Variants in BRSK2 observed in about 807,000 individuals in gnomAD.
BRSK2 encodes the protein serine/threonine-protein kinase BRSK2.
BRSK2 carries 19 observed loss-of-function variants against 83.3 expected under a neutral mutation model. That is an observed-to-expected ratio of 0.23 (90% CI 0.16 to 0.33). The LOEUF (loss-of-function observed/expected upper bound fraction) is 0.33. Ranked by LOEUF, BRSK2 falls within the 10% of genes least tolerant of loss-of-function variation. The pLI, the probability that BRSK2 is intolerant of heterozygous loss-of-function variation, is 1.00. For missense variants in BRSK2, 798 were observed against 1,042.3 expected, an observed-to-expected ratio of 0.77 and a Z score of 3.23; for synonymous variants, 519 against 435.4, an observed-to-expected ratio of 1.19 and a Z score of -2.39.
At position 1,438,157 on chromosome 11, in the gene BRSK2, C is replaced by T. The variant is rs944819360; in HGVS notation, c.187-149C>T. On this transcript the variant is annotated intron_variant, in intron 2 of 19. Coordinates refer to ENST00000528841, the MANE Select transcript of BRSK2 (RefSeq NM_001256627.2). This position sits in a 1 kb window ranked among gnomAD's most constrained non-coding sequence, Gnocchi z 6.4. ...TGGCACCAAAGGCCCCTGCGTCCCC[C>T]ACAGCTGGCACCAAAGGCCCCTGCG... is the stretch of plus-strand genomic sequence containing the variant. The T allele has an allele frequency of 5.3e-6, 3 of 567,382 alleles. No homozygotes were observed. Among genetic ancestry groups the T allele is most frequent in the Non-Finnish European group, 9.2e-6 (3 of 324,862 alleles). The allele number at this position is 567,382 out of a possible 1,614,324, so 35.1% of individuals were successfully genotyped here.
Position 1,460,741 on chromosome 11 carries a change from C to CG in BRSK2, c.*18_*19insG, listed in dbSNP as rs773825103. On this transcript the variant is annotated 3_prime_UTR_variant, in exon 20 of 20. Coordinates refer to ENST00000528841, the MANE Select transcript of BRSK2 (RefSeq NM_001256627.2). ...AGCCTTAGACACACTAGCCCCCCCC[C>CG]CCAGCACAGCACTGACAGCGGCTGC... 2.8e-6 allele frequency: 4 copies of CG among 1,413,764 alleles called. No homozygotes were observed. The African/African-American group carries it at 6.1e-5, about 22-fold the overall frequency. 87.6% of individuals were successfully genotyped at this position (1,413,764 alleles called of 1,614,324 possible).
In BRSK2 at chr11:1,461,073, G is replaced by A. The variant is rs1038335491; in HGVS notation, c.*350G>A. ...TCCCTCCGCTCCTGCTGTTGCTGCC[G>A]GGCAGTGAGGCCCAGCCCAGCGCCC... On this transcript the variant is annotated 3_prime_UTR_variant, in exon 20 of 20. Coordinates refer to ENST00000528841, the MANE Select transcript of BRSK2 (RefSeq NM_001256627.2). The A allele has an allele frequency of 4.9e-5, 77 of 1,583,264 alleles. 1 individual carries two copies. The Middle Eastern group carries it at 5.0e-4, about 10-fold the overall frequency.
chr11:1,425,576 T>TC (rs1249087856), intron 1 of BRSK2, among the ~76,000 whole-genome samples: 1 of 152,036 alleles, frequency 6.6e-6, no homozygotes, highest in Non-Finnish European at 1.5e-5. Flanking sequence ...TCAGGACGTT[T>TC]CCTCCGTGCA....
chr11:1,393,598 G>T (rs549645197), intron 1 of BRSK2, among the ~76,000 whole-genome samples: 2 of 152,298 alleles, frequency 1.3e-5, no homozygotes, highest in Middle Eastern at 3.4e-3. Flanking sequence ...ACCTGGGGCC[G>T]CCCCTCCATG....
intron 1 of BRSK2, among the ~76,000 whole-genome samples, chr11:1,418,797 G>A (rs954169661): frequency 6.6e-6 from 1 of 152,250 alleles, no homozygotes; most frequent in Non-Finnish European, 1.5e-5. Flanking sequence ...TTGGGCATGT[G>A]GGGGGCTGCT....
Position 1,461,294 on chromosome 11 carries a change from A to G in BRSK2, c.*571A>G, listed in dbSNP as rs971571416. On this transcript the variant is annotated 3_prime_UTR_variant, in exon 20 of 20. Transcript: ENST00000528841. ...GTAGCCACAGGAACAGGCCCCGTCCACCGCCTCCACGCCGCACCTGGAGGC... is the reference window on the plus strand; with the variant it reads ...GTAGCCACAGGAACAGGCCCCGTCCGCCGCCTCCACGCCGCACCTGGAGGC... 7.6e-5 allele frequency: 35 copies of G among 459,480 alleles called. No homozygotes were observed. Among genetic ancestry groups the G allele is most frequent in the Non-Finnish European group, 1.0e-4 (26 of 258,382 alleles). The allele number at this position is 459,480 out of a possible 1,614,324, so 28.5% of individuals were successfully genotyped here.
rs1192597494 is a variant in BRSK2, at chr11:1,460,453, CTTTTTTCCTTTTTTTTTTT to C, written c.1988-40_1988-22del. 35 of 1,143,992 alleles carry C rather than the reference CTTTTTTCCTTTTTTTTTTT, an allele frequency of 3.1e-5. 1 individual carries two copies. The highest frequency in any genetic ancestry group is 1.3e-4 in the South Asian group (6 of 46,536). 70.9% of individuals were successfully genotyped at this position (1,143,992 alleles called of 1,614,324 possible). ...TCCTCTTTCTCTCCCCCTTTTTTTT[CTTTTTTCCTTTTTTTTTTT>C]TTTTTTGTCTCTGTTCTGTGTACCC... On this transcript the variant is annotated intron_variant, in intron 19 of 19. Transcript: ENST00000528841.
chr11:1,445,098 G>A (rs1287793843), intron 9 of BRSK2, 96 bp downstream of exon 9: 30 of 1,538,082 alleles, frequency 2.0e-5, no homozygotes, highest in South Asian at 1.1e-4. Flanking sequence ...CCGGCCCAGC[G>A]CAGGTCCTGC....
In BRSK2 at chr11:1,446,803, G is replaced by A. The variant is rs190666313; in HGVS notation, c.1226+896G>A. Among the ~76,000 whole-genome samples the A allele has an allele frequency of 1.9e-3, 285 of 152,326 alleles. 1 individual carries two copies. Among genetic ancestry groups the A allele is most frequent in the Non-Finnish European group, 1.8e-3 (121 of 68,016 alleles). On this transcript the variant is annotated intron_variant, in intron 12 of 19. Coordinates refer to ENST00000528841, the MANE Select transcript of BRSK2 (RefSeq NM_001256627.2). ...TTGGGGACAGCCCTTGGGCCCAGGA[G>A]CACACCAGGAGGTCCAGGAGCCCGG...
intron 1 of BRSK2, among the ~76,000 whole-genome samples, chr11:1,405,199 A>G (rs1846784329): frequency 6.6e-6 from 1 of 151,726 alleles, no homozygotes; most frequent in Non-Finnish European, 1.5e-5. Flanking sequence ...GGGGCAGGGA[A>G]TGTGGACACT....
rs201835312 is a variant in BRSK2 at position 1,445,453 on chromosome 11, C to T, written c.972C>T (p.Ser324=). 79 of 1,611,604 alleles carry T rather than the reference C, an allele frequency of 4.9e-5. No individual in the cohort carries two copies. Among genetic ancestry groups the T allele is most frequent in the Non-Finnish European group, 6.1e-5 (72 of 1,179,558 alleles). Residue 324 remains serine (S), a synonymous_variant, in exon 10 of 20, where the codon TCC becomes TCT. Transcript: ENST00000528841. ...DRNKLLQDLL[S]EEENQEKMIY... is the part of the protein sequence containing the mutation. ...ACAAGCTGCTGCAGGACCTGCTGTC[C>T]GAGGAGTGCGTCTGGGGCTGCTCCC...
intron 12 of BRSK2, 50 bp downstream of exon 12, chr11:1,445,957 G>A (rs369621550): frequency 1.1e-4 from 171 of 1,551,106 alleles, no homozygotes; most frequent in Non-Finnish European, 1.3e-4. Context: ...CCCTGGCTGC[G>A]CGGCACTGCC....
intron 18 of BRSK2, among the ~76,000 whole-genome samples, chr11:1,458,555 C>T (rs1222606706): frequency 6.6e-6 from 1 of 152,162 alleles, no homozygotes. Context: ...AGACACTGCC[C>T]ACCCCCCCAG....
intron 15 of BRSK2, among the ~76,000 whole-genome samples, chr11:1,452,606 GC>G (rs1266296272): frequency 6.6e-6 from 1 of 151,684 alleles, no homozygotes; most frequent in African/African-American, 2.4e-5. Flanking sequence ...GCCTCCCACA[GC>G]CCCACCCAAG....
Position 1,445,870 on chromosome 11 carries a change from G to T in BRSK2, c.1189G>T (p.Ala397Ser), listed in dbSNP as rs1564858169. The change falls in exon 12 of 20, where the codon GCG (alanine) becomes TCG (serine). Residue 397 changes from alanine (A) to serine (S), a missense_variant. By Grantham distance (99) the Ala-to-Ser change is moderately conservative. This residue lies in a region of BRSK2 where 51 missense variants were observed against 52.6 expected (regional missense o/e 0.97). Coordinates refer to ENST00000528841, the MANE Select transcript of BRSK2 (RefSeq NM_001256627.2). ...SVTDGGSPVP[A>S]RRAIEMAQHG... The stretch of plus-strand genomic sequence containing the variant: ...GACGGACGGCGGCTCCCCGGTGCCT[G>T]CGCGGCGGGCCATTGAGATGGCCCA... The T allele has an allele frequency of 6.2e-7, 1 of 1,611,728 alleles. No individual in the cohort carries two copies.
intron 1 of BRSK2, among the ~76,000 whole-genome samples, chr11:1,416,342 G>A (rs1184426167): frequency 6.6e-6 from 1 of 152,128 alleles, no homozygotes; most frequent in Non-Finnish European, 1.5e-5. Flanking sequence ...TCTATTTCCT[G>A]GGTGTCACGT....
At chr11:1,439,771 TCTGCCCTGAGGGCTTCACACCTTCCC>T (rs1564844469) in intron 3 of BRSK2, among the ~76,000 whole-genome samples, 1 of 118,294 alleles carries the variant, frequency 8.5e-6, no homozygotes, top group Admixed American at 8.6e-5. Flanking sequence ...CACACCTTCC[TCTGCCCTGAGGGCTTCACACCTTCCC>T]CTGCCCTGGG....
chr11:1,427,084 G>A (rs1205289257), intron 1 of BRSK2, among the ~76,000 whole-genome samples: 1 of 152,168 alleles, frequency 6.6e-6, no homozygotes, highest in Non-Finnish European at 1.5e-5. Flanking sequence ...AGCCCGTCCA[G>A]CCCTAGGCTG....
At chr11:1,409,853 C>T (rs61867657) in intron 1 of BRSK2, 61,531 of 151,688 alleles carry the variant, frequency 0.41, 13,229 homozygotes, top group Non-Finnish European at 0.46. Flanking sequence ...AAGAGCCCTG[C>T]GTGCAGGTGG....
Sources: gnomAD v4.1 joint callset for allele counts (sites outside exome capture counted in the v4.1 genomes callset) on GRCh38, gnomAD v4.1.1 for gene constraint, gnomAD v4.1.1 regional missense constraint, Gnocchi (gnomAD v3.1) non-coding constraint, MANE v1.5 for transcripts, NCBI Gene and HGNC (gene_info 2026-07-23, HGNC 2026-07-21) for gene names.